Variants in CHST12 observed in about 807,000 individuals in gnomAD.
The protein encoded by CHST12 is carbohydrate (chondroitin 4) sulfotransferase 12.
Under a neutral mutation model 27.9 loss-of-function variants are expected in CHST12, and 23 were observed. The observed-to-expected ratio is 0.82, with a 90% CI of 0.59 to 1.17. The LOEUF (loss-of-function observed/expected upper bound fraction) is 1.17. Among genes scored for constraint, CHST12 ranks in the 50% most tolerant of loss-of-function variants. CHST12 has a pLI of 0.00. For missense variants in CHST12, 682 were observed against 603.0 expected (o/e 1.13, Z -1.37); for synonymous variants, 322 against 273.0 (o/e 1.18, Z -1.77).
At position 2,433,871 on chromosome 7, in the gene CHST12, T is replaced by A. The variant is rs1368569743; in HGVS notation, c.1232T>A (p.Leu411His). The change falls in exon 2 of 2, where the codon CTC (leucine) becomes CAC (histidine). Residue 411 changes from leucine (L) to histidine (H), a missense_variant. Coordinates refer to ENST00000618655, the MANE Select transcript of CHST12 (RefSeq NM_018641.5). The surrounding 1 kb of genome is among the most constrained non-coding windows in gnomAD (Gnocchi z 6.1). ...TTCGGCTACCCCAAGCCCGAAAACC[T>A]CCTCCGAGACTGAAAGCTTTCGCGT... ...VLFGYPKPEN[L>H]LRD 9.5e-6 allele frequency: 15 copies of A among 1,573,312 alleles called. No individual in the cohort carries two copies. The highest frequency in any genetic ancestry group is 4.5e-5 in the East Asian group (2 of 44,106).
Position 2,433,055 on chromosome 7 carries a change from TC to T in CHST12, c.420del (p.Thr141ProfsTer14). The T allele has an allele frequency of 4.3e-6, 7 of 1,611,812 alleles. No homozygotes were observed. Among genetic ancestry groups the T allele is most frequent in the Non-Finnish European group, 5.9e-6 (7 of 1,179,618 alleles). The stretch of plus-strand genomic sequence containing the variant: ...TTCTGCGCCAACTCCAGCCTGGCCT[TC>T]CCCACCAAGGAGCGCGCATTCGACG... ...RGFCANSSLA[F>X]PTKERAFDDI... On this transcript the variant is annotated frameshift_variant, in exon 2 of 2. Transcript: ENST00000618655. LOFTEE classifies it high-confidence loss of function. This position sits in a 1 kb window ranked among gnomAD's most constrained non-coding sequence, Gnocchi z 6.1.
Position 2,434,247 on chromosome 7 carries a change from T to G in CHST12, c.*363T>G, listed in dbSNP as rs551377357. On this transcript the variant is annotated 3_prime_UTR_variant, in exon 2 of 2. Coordinates refer to ENST00000618655, the MANE Select transcript of CHST12 (RefSeq NM_018641.5). ...ACCGGAGGAGGGCGGGGCCTGCACT[T>G]GAAGTCAGGCCGCACCTGTCTGTTT... The G allele has an allele frequency of 1.2e-4, 22 of 190,976 alleles. No individual in the cohort carries two copies. The highest frequency in any genetic ancestry group is 4.7e-4 in the African/African-American group (20 of 42,252). 11.8% of individuals were successfully genotyped at this position (190,976 alleles called of 1,614,324 possible).
chr7:2,415,123 G>A (rs1781770547), intron 1 of CHST12, among the ~76,000 whole-genome samples: 1 of 152,184 alleles, frequency 6.6e-6, no homozygotes. Context: ...CCTGCACTTT[G>A]GGAGGCCAAG....
rs1782623136 is a variant in CHST12, at chr7:2,442,190, TTCATTCATGTTGTAGTCAGGA to T, written c.*8310_*8330del. ...TTCATGTAGTATAATGTCTTCAAGGTTCATTCATGTTGTAGTCAGGATCACCTTCCTTTTAAAGGTTGAACG... is the reference window on the plus strand; with the variant it reads ...TTCATGTAGTATAATGTCTTCAAGGTTCACCTTCCTTTTAAAGGTTGAACG... On this transcript the variant is annotated 3_prime_UTR_variant, in exon 2 of 2. Coordinates refer to ENST00000618655, the MANE Select transcript of CHST12 (RefSeq NM_018641.5). The T allele has an allele frequency of 6.6e-6, 1 of 152,204 alleles. No homozygotes were observed. Among genetic ancestry groups the T allele is most frequent in the African/African-American group, 2.4e-5 (1 of 41,454 alleles). The allele number at this position is 152,204 out of a possible 1,614,324, so 9.4% of individuals were successfully genotyped here. A position where few individuals can be genotyped will look rare whatever the true frequency, so the allele number is the denominator to read the frequency against.
At chr7:2,418,020 G>A (rs112527124) in intron 1 of CHST12, among the ~76,000 whole-genome samples, 2,018 of 152,366 alleles carry the variant, frequency 0.013, 42 homozygotes, top group African/African-American at 0.041. Context: ...CTGTGGTCAC[G>A]TCACGGTGAC....
chr7:2,413,925 C>A (rs1781736450), intron 1 of CHST12, among the ~76,000 whole-genome samples: 1 of 151,924 alleles, frequency 6.6e-6, no homozygotes, highest in Non-Finnish European at 1.5e-5. Flanking sequence ...GATGGGGTTT[C>A]ACCATGTTGG....
At chr7:2,417,348 C>T (rs558315632) in intron 1 of CHST12, among the ~76,000 whole-genome samples, 8 of 151,074 alleles carry the variant, frequency 5.3e-5, no homozygotes, top group African/African-American at 1.5e-4. Flanking sequence ...CCTCAGCCTC[C>T]TGAGTAGCTG....
intron 1 of CHST12, among the ~76,000 whole-genome samples, chr7:2,412,172 AT>A (rs1203557879): frequency 1.3e-5 from 2 of 152,216 alleles, no homozygotes; most frequent in African/African-American, 4.8e-5. Flanking sequence ...TTAATTACAT[AT>A]TTTTATTTGG....
chr7:2,420,250 GGT>G (rs1781935345), intron 1 of CHST12, among the ~76,000 whole-genome samples: 1 of 152,110 alleles, frequency 6.6e-6, no homozygotes, highest in Non-Finnish European at 1.5e-5. Context: ...TGGGATTACA[GGT>G]GTGAGCCGCC....
rs1055021215 is a variant in CHST12, at chr7:2,409,739, T to C, written c.-78+6066T>C. Reference sequence around the variant, plus strand: ...CTCACGGAATGATTTCACTCTTTCATGGATATGTATGTGTGGCATTGAATT... The same window carrying C: ...CTCACGGAATGATTTCACTCTTTCACGGATATGTATGTGTGGCATTGAATT... On this transcript the variant is annotated intron_variant, in intron 1 of 1. Coordinates refer to ENST00000618655, the MANE Select transcript of CHST12 (RefSeq NM_018641.5). 5.3e-5 allele frequency among the ~76,000 whole-genome samples: 8 copies of C among 152,156 alleles called. 1 individual carries two copies. The highest frequency in any genetic ancestry group is 1.9e-4 in the African/African-American group (8 of 41,432).
intron 1 of CHST12, among the ~76,000 whole-genome samples, chr7:2,420,490 A>G (rs1164607059): frequency 6.6e-6 from 1 of 151,754 alleles, no homozygotes; most frequent in Non-Finnish European, 1.5e-5. Context: ...CAGTGTGGAC[A>G]TGGGTGTGCA....
At chr7:2,425,761 C>T (rs1255282434) in intron 1 of CHST12, among the ~76,000 whole-genome samples, 2 of 151,860 alleles carry the variant, frequency 1.3e-5, no homozygotes, top group Non-Finnish European at 2.9e-5. Context: ...GGTCTTCTCC[C>T]ATGCTGTCTA....
At chr7:2,425,377 C>T (rs1333594265) in intron 1 of CHST12, among the ~76,000 whole-genome samples, 1 of 152,064 alleles carries the variant, frequency 6.6e-6, no homozygotes, top group African/African-American at 2.4e-5. Flanking sequence ...TTCCAGAAAC[C>T]CCAGACCAGG....
rs764380168 is a variant in CHST12, at chr7:2,441,253, C to G, written c.*7369C>G. Reference sequence around the variant, plus strand: ...AGACAACAGAGCTGCCACCTGCTCACCGCAGACCCAGGGGCCCAGGAGGAG... The same window carrying G: ...AGACAACAGAGCTGCCACCTGCTCAGCGCAGACCCAGGGGCCCAGGAGGAG... On this transcript the variant is annotated 3_prime_UTR_variant, in exon 2 of 2. Transcript: ENST00000618655. 1 of 152,284 alleles carries G rather than the reference C, an allele frequency of 6.6e-6. No individual in the cohort carries two copies. The highest frequency in any genetic ancestry group is 1.5e-5 in the Non-Finnish European group (1 of 68,114). 9.4% of individuals were successfully genotyped at this position (152,284 alleles called of 1,614,324 possible).
At chr7:2,405,672 A>G (rs1241630934) in intron 1 of CHST12, among the ~76,000 whole-genome samples, 1 of 151,974 alleles carries the variant, frequency 6.6e-6, no homozygotes, top group East Asian at 1.9e-4. Context: ...CATGGAGCTG[A>G]AAGATGTTGC....
rs1782740443 is a variant in CHST12 at position 2,445,914 on chromosome 7, G to C, written c.*12030G>C. The C allele has an allele frequency of 6.6e-6, 1 of 152,268 alleles. No homozygotes were observed. The highest frequency in any genetic ancestry group is 1.5e-5 in the Non-Finnish European group (1 of 68,076). The allele number at this position is 152,268 out of a possible 1,614,324, so 9.4% of individuals were successfully genotyped here. A position where few individuals can be genotyped will look rare whatever the true frequency, so the allele number is the denominator to read the frequency against. On this transcript the variant is annotated 3_prime_UTR_variant, in exon 2 of 2. Transcript: ENST00000618655. Reference sequence around the variant, plus strand: ...GGACGGCTCTTTGAAGTCATGGGCTGAGCCAGAAGGAATTGTCATGATGTC... The same window carrying C: ...GGACGGCTCTTTGAAGTCATGGGCTCAGCCAGAAGGAATTGTCATGATGTC...
chr7:2,427,526 AT>A (rs1224208384), intron 1 of CHST12, among the ~76,000 whole-genome samples: 1 of 151,716 alleles, frequency 6.6e-6, no homozygotes, highest in African/African-American at 2.4e-5. Flanking sequence ...AAGTTTACAC[AT>A]TTGTTTGAAG....
intron 1 of CHST12, among the ~76,000 whole-genome samples, chr7:2,413,989 A>T (rs1781738070): frequency 6.6e-6 from 1 of 151,984 alleles, no homozygotes; most frequent in Admixed American, 6.6e-5. Flanking sequence ...TCGGCCTCCC[A>T]AAGTGCTGGG....
At position 2,442,295 on chromosome 7, in the gene CHST12, G is replaced by T. The variant is rs1782626300; in HGVS notation, c.*8411G>T. On this transcript the variant is annotated 3_prime_UTR_variant, in exon 2 of 2. Transcript: ENST00000618655. ...CATTCACCCAGGGATGGACACCTGG[G>T]TTGCTTCCATCTCTCGGCTCTTGTG... is the stretch of plus-strand genomic sequence containing the variant. 1 of 152,240 alleles carries T rather than the reference G, an allele frequency of 6.6e-6. No individual in the cohort carries two copies. The highest frequency in any genetic ancestry group is 2.4e-5 in the African/African-American group (1 of 41,450). The allele number at this position is 152,240 out of a possible 1,614,324, so 9.4% of individuals were successfully genotyped here.
Sources: allele counts gnomAD v4.1 joint callset (sites outside exome capture counted in the v4.1 genomes callset), GRCh38; gene constraint gnomAD v4.1.1; non-coding constraint Gnocchi (gnomAD v3.1); transcripts MANE v1.5; gene names NCBI Gene and HGNC (gene_info 2026-07-23, HGNC 2026-07-21).